Variants in PDIK1L observed in about 807,000 individuals in gnomAD.
PDIK1L encodes the protein serine/threonine-protein kinase PDIK1L.
Under a neutral mutation model 27.1 loss-of-function variants are expected in PDIK1L, and 9 were observed. That is an observed-to-expected ratio of 0.33 (90% CI 0.20 to 0.58). PDIK1L has a LOEUF of 0.58. Ranked by LOEUF, PDIK1L falls within the 20% of genes least tolerant of loss-of-function variation. The pLI, the probability that PDIK1L is intolerant of heterozygous loss-of-function variation, is 0.86. For missense variants in PDIK1L, 216 were observed against 413.2 expected, an observed-to-expected ratio of 0.52 and a Z score of 4.14; for synonymous variants, 130 against 141.7, an observed-to-expected ratio of 0.92 and a Z score of 0.59.
chr1:26,122,445 A>G lies in PDIK1L; in HGVS notation c.894A>G (p.Lys298=). ...AACTTCTCATTCCTGTGAAGAAAAA[A>G]TCTATGAATGGGCGAATGAAACAAC... ...KMELLIPVKK[K]SMNGRMKQLI... Residue 298 remains lysine, a synonymous_variant, in exon 3 of 3, where the codon AAA becomes AAG. Coordinates refer to ENST00000374269, the MANE Select transcript of PDIK1L (RefSeq NM_152835.5). This position sits in a 1 kb window ranked among gnomAD's most constrained non-coding sequence, Gnocchi z 5.4. The G allele has an allele frequency of 1.2e-6, 2 of 1,614,158 alleles. No individual in the cohort carries two copies. The highest frequency in any genetic ancestry group is 1.7e-6 in the Non-Finnish European group (2 of 1,180,004).
chr1:26,111,700 C>G (rs1354114351), upstream of PDIK1L: 1 of 151,592 alleles, frequency 6.6e-6, no homozygotes, highest in Non-Finnish European at 1.5e-5. The surrounding 1 kb of genome is among the most constrained non-coding windows in gnomAD (Gnocchi z 4.0). Context: ...AGCGGAGCGC[C>G]GGCCGCGCGC....
Position 26,114,305 on chromosome 1 carries a change from G to A in PDIK1L, c.-4G>A. ...TGATTTTTCCAGAAACCTCGACCTTGAAGATGGTGAGTAGCCAGCCAAAGT... is the reference window on the plus strand; with the variant it reads ...TGATTTTTCCAGAAACCTCGACCTTAAAGATGGTGAGTAGCCAGCCAAAGT... On this transcript the variant is annotated 5_prime_UTR_variant, in exon 2 of 3. An upstream open reading frame in the 5' UTR loses its in-frame stop. Transcript: ENST00000374269. The surrounding 1 kb of genome is among the most constrained non-coding windows in gnomAD (Gnocchi z 4.8). 1.2e-6 allele frequency: 2 copies of A among 1,605,816 alleles called. No homozygotes were observed.
At chr1:26,111,417 C>G (rs1221535549), upstream of PDIK1L, 3 of 152,182 alleles carry the variant, frequency 2.0e-5, no homozygotes, top group African/African-American at 7.2e-5. The surrounding 1 kb of genome is among the most constrained non-coding windows in gnomAD (Gnocchi z 4.0). Context: ...CAGCCCGCAG[C>G]TCGGTAGGTC....
At position 26,123,177 on chromosome 1, in the gene PDIK1L, T is replaced by G. The variant is rs1385168828; in HGVS notation, c.*600T>G. The G allele has an allele frequency of 7.6e-6, 1 of 131,270 alleles. No homozygotes were observed. Among genetic ancestry groups the G allele is most frequent in the Non-Finnish European group, 1.6e-5 (1 of 62,940 alleles). 8.1% of individuals were successfully genotyped at this position (131,270 alleles called of 1,614,324 possible). On this transcript the variant is annotated 3_prime_UTR_variant, in exon 3 of 3. Transcript: ENST00000374269. ...CCCCTAATGAAATCATATTAAGTTG[T>G]TTTTTTTTTTTTTTGTAATATACAG...
chr1:26,114,680 C>T lies in PDIK1L; in HGVS notation c.285+87C>T. The T allele has an allele frequency of 1.4e-6, 2 of 1,412,194 alleles. No individual in the cohort carries two copies. Among genetic ancestry groups the T allele is most frequent in the Non-Finnish European group, 1.9e-6 (2 of 1,031,280 alleles). The allele number at this position is 1,412,194 out of a possible 1,614,324, so 87.5% of individuals were successfully genotyped here. On this transcript the variant is annotated intron_variant, in intron 2 of 2. Coordinates refer to ENST00000374269, the MANE Select transcript of PDIK1L (RefSeq NM_152835.5). This position sits in a 1 kb window ranked among gnomAD's most constrained non-coding sequence, Gnocchi z 4.8. ...GAATGAAAGGGTCAGACGAACGTTT[C>T]CCTTTAAATGCAGGTGTTTGTAGTT...
At position 26,114,567 on chromosome 1, in the gene PDIK1L, G is replaced by A. The variant is rs201906617; in HGVS notation, c.259G>A (p.Gly87Ser). The part of the protein sequence containing the change: ...KDGMVQKMSH[G>S]SNSSLYLQLV... ...TGGGATGGTGCAAAAGATGTCCCAC[G>A]GCTCTAATTCTTCCCTTTATTTACA... is the stretch of plus-strand genomic sequence containing the variant. The change falls in exon 2 of 3, where the codon GGC becomes AGC. Residue 87 changes from glycine to serine, a missense_variant. By Grantham distance (56) the Gly-to-Ser change is moderately conservative. Around this residue, in one of 2 missense-constraint regions of PDIK1L, gnomAD observed 169 missense variants for 366.0 expected, o/e 0.46. Transcript: ENST00000374269. The surrounding 1 kb of genome is among the most constrained non-coding windows in gnomAD (Gnocchi z 4.8). 12 of 1,613,920 alleles carry A rather than the reference G, an allele frequency of 7.4e-6. No homozygotes were observed. The highest frequency in any genetic ancestry group is 9.3e-6 in the Non-Finnish European group (11 of 1,179,860).
rs2087854544 is a variant in PDIK1L, at chr1:26,114,947, T to G, written c.285+354T>G. Among the ~76,000 whole-genome samples the G allele has an allele frequency of 6.6e-6, 1 of 152,180 alleles. No individual in the cohort carries two copies. Among genetic ancestry groups the G allele is most frequent in the Non-Finnish European group, 1.5e-5 (1 of 68,026 alleles). ...TTGAGGACAGAAGAAAAGGAAAAAT[T>G]CCACAACCAGTAGCAACACCCCTAG... On this transcript the variant is annotated intron_variant, in intron 2 of 2. Coordinates refer to ENST00000374269, the MANE Select transcript of PDIK1L (RefSeq NM_152835.5). The surrounding 1 kb of genome is among the most constrained non-coding windows in gnomAD (Gnocchi z 4.8).
At chr1:26,116,032 C>A (rs1392712594) in intron 2 of PDIK1L, among the ~76,000 whole-genome samples, 1 of 152,040 alleles carries the variant, frequency 6.6e-6, no homozygotes, top group East Asian at 1.9e-4. Context: ...AAAACCCTGT[C>A]TCTACTAAAA....
intron 1 of PDIK1L, among the ~76,000 whole-genome samples, 176 bp downstream of exon 1, chr1:26,112,091 C>T (rs965514194): frequency 6.6e-6 from 1 of 152,170 alleles, no homozygotes; most frequent in African/African-American, 2.4e-5. Flanking sequence ...CCGGGGCCAC[C>T]TCCCCCCGGC....
rs1569825509 is a variant in PDIK1L at position 26,124,395 on chromosome 1, C to T, written c.*1818C>T. 6.6e-6 allele frequency: 1 copy of T among 152,130 alleles called. No individual in the cohort carries two copies. Among genetic ancestry groups the T allele is most frequent in the East Asian group, 1.9e-4 (1 of 5,202 alleles). 9.4% of individuals were successfully genotyped at this position (152,130 alleles called of 1,614,324 possible). ...CACTGGAACCTCATGATAATTGACC[C>T]TCTGGATCACCAGATTAGTTTAATT... On this transcript the variant is annotated 3_prime_UTR_variant, in exon 3 of 3. Coordinates refer to ENST00000374269, the MANE Select transcript of PDIK1L (RefSeq NM_152835.5).
rs2087994812 is a variant in PDIK1L, at chr1:26,121,860, A to T, written c.309A>T (p.Gly103=). Residue 103 remains glycine (G), a synonymous_variant, in exon 3 of 3, where the codon GGA becomes GGT. Coordinates refer to ENST00000374269, the MANE Select transcript of PDIK1L (RefSeq NM_152835.5). ...YLQLVETSLK[G]EIAFDPRSAY... is the part of the protein sequence containing the mutation. ...AGCTTGTAGAAACTTCATTAAAAGGAGAAATTGCCTTTGATCCCAGAAGCG... is the reference window on the plus strand; with the variant it reads ...AGCTTGTAGAAACTTCATTAAAAGGTGAAATTGCCTTTGATCCCAGAAGCG... 1 of 1,609,444 alleles carries T rather than the reference A, an allele frequency of 6.2e-7. No individual in the cohort carries two copies. The highest frequency in any genetic ancestry group is 8.5e-7 in the Non-Finnish European group (1 of 1,178,224).
intron 1 of PDIK1L, chr1:26,112,476 A>G (rs1461704497): frequency 6.6e-6 from 1 of 152,288 alleles, no homozygotes; most frequent in African/African-American, 2.4e-5. Context: ...GCTCTTCCCC[A>G]TGGGGACTGT....
At position 26,125,130 on chromosome 1, in the gene PDIK1L, G is replaced by C. The variant is rs1185133453; in HGVS notation, c.*2553G>C. 6.6e-6 allele frequency: 1 copy of C among 152,612 alleles called. No individual in the cohort carries two copies. Among genetic ancestry groups the C allele is most frequent in the Non-Finnish European group, 1.5e-5 (1 of 68,006 alleles). The allele number at this position is 152,612 out of a possible 1,614,324, so 9.5% of individuals were successfully genotyped here. A position where few individuals can be genotyped will look rare whatever the true frequency, so the allele number is the denominator to read the frequency against. On this transcript the variant is annotated 3_prime_UTR_variant, in exon 3 of 3. Transcript: ENST00000374269. ...GCCAGTGAAAATATGGGGTTGTACA[G>C]TTAGTTCCTAGAATGTTATTTTGCA...
chr1:26,123,925 G>C lies in PDIK1L; in HGVS notation c.*1348G>C, dbSNP rs2088035325. On this transcript the variant is annotated 3_prime_UTR_variant, in exon 3 of 3. Coordinates refer to ENST00000374269, the MANE Select transcript of PDIK1L (RefSeq NM_152835.5). ...GTCTACAATTTGTTTTCCTGTAAAT[G>C]CAGATAGTTAAAATCTAAAGGATAG... 6.5e-6 allele frequency: 1 copy of C among 152,682 alleles called. No individual in the cohort carries two copies. Among genetic ancestry groups the C allele is most frequent in the East Asian group, 1.9e-4 (1 of 5,192 alleles). 9.5% of individuals were successfully genotyped at this position (152,682 alleles called of 1,614,324 possible).
upstream of PDIK1L, chr1:26,111,784 G>A (rs973162532): frequency 1.3e-5 from 2 of 151,818 alleles, no homozygotes; most frequent in African/African-American, 4.8e-5. This position sits in a 1 kb window ranked among gnomAD's most constrained non-coding sequence, Gnocchi z 4.0. Context: ...GGCGTAAGGG[G>A]GTGTGTCCGC....
At position 26,123,865 on chromosome 1, in the gene PDIK1L, T is replaced by C. The variant is rs1429707087; in HGVS notation, c.*1288T>C. 6.6e-6 allele frequency: 1 copy of C among 152,650 alleles called. No homozygotes were observed. Among genetic ancestry groups the C allele is most frequent in the East Asian group, 1.9e-4 (1 of 5,200 alleles). 9.5% of individuals were successfully genotyped at this position (152,650 alleles called of 1,614,324 possible). ...CAAAAAACCAACAGACCATTATTCC[T>C]CTTGAAGTTAGTTTGATTTTATCTT... On this transcript the variant is annotated 3_prime_UTR_variant, in exon 3 of 3. Coordinates refer to ENST00000374269, the MANE Select transcript of PDIK1L (RefSeq NM_152835.5).
intron 1 of PDIK1L, 109 bp downstream of exon 1, chr1:26,112,024 C>G (rs374049759): frequency 1.3e-5 from 2 of 152,324 alleles, no homozygotes; most frequent in African/African-American, 4.8e-5. Context: ...CGGAGTCATC[C>G]TGGGGAAGGC....
chr1:26,115,082 C>T (rs2087856275), intron 2 of PDIK1L, among the ~76,000 whole-genome samples: 1 of 152,220 alleles, frequency 6.6e-6, no homozygotes, highest in Admixed American at 6.5e-5. Context: ...TCATGAAGTA[C>T]ATGATTTAAC....
In PDIK1L at chr1:26,124,450, T is replaced by C. The variant is rs2124476972; in HGVS notation, c.*1873T>C. On this transcript the variant is annotated 3_prime_UTR_variant, in exon 3 of 3. Transcript: ENST00000374269. The stretch of plus-strand genomic sequence containing the variant: ...AGATATGTCCAAGGAAGTTGAGCTA[T>C]AGGGAGTAAGAAAAAGCATCATGAT... 1 of 152,246 alleles carries C rather than the reference T, an allele frequency of 6.6e-6. No homozygotes were observed. The highest frequency in any genetic ancestry group is 2.1e-4 in the South Asian group (1 of 4,830). 9.4% of individuals were successfully genotyped at this position (152,246 alleles called of 1,614,324 possible). A position where few individuals can be genotyped will look rare whatever the true frequency, so the allele number is the denominator to read the frequency against.
Sources: gnomAD v4.1 joint callset for allele counts (sites outside exome capture counted in the v4.1 genomes callset) on GRCh38, gnomAD v4.1.1 for gene constraint, gnomAD v4.1.1 regional missense constraint, Gnocchi (gnomAD v3.1) non-coding constraint, MANE v1.5 for transcripts, NCBI Gene and HGNC (gene_info 2026-07-23, HGNC 2026-07-21) for gene names.